The following CADPS2 variants were observed in gnomAD, a reference collection of about 807,000 sequenced individuals.
The protein encoded by CADPS2 is calcium-dependent secretion activator 2.
Under a neutral mutation model 172.5 loss-of-function variants are expected in CADPS2, and 93 were observed. The ratio of observed to expected loss-of-function variants is 0.54; its 90% CI spans 0.46 to 0.64. The LOEUF is 0.64. Among genes scored for constraint, CADPS2 ranks in the 30% least tolerant of loss-of-function variants. CADPS2 has a pLI of 0.00. For missense variants in CADPS2, 1,420 were observed against 1,565.9 expected (o/e 0.91, Z 1.57); for synonymous variants, 546 against 555.2 (o/e 0.98, Z 0.23).
chr7:122,689,760 T>C (rs891152947), intron 2 of CADPS2, among the ~76,000 whole-genome samples: 2 of 152,194 alleles, frequency 1.3e-5, no homozygotes, highest in African/African-American at 4.8e-5. Context: ...GGTGTAGTGA[T>C]CGTGTTATGT....
chr7:122,707,979 A>T (rs549352793), intron 2 of CADPS2, among the ~76,000 whole-genome samples: 1 of 151,858 alleles, frequency 6.6e-6, no homozygotes, highest in South Asian at 2.1e-4. Context: ...TGTTGTGTAT[A>T]TTTAATGTGT....
chr7:122,668,630 A>G (rs1417546367), intron 2 of CADPS2, among the ~76,000 whole-genome samples: 1 of 152,192 alleles, frequency 6.6e-6, no homozygotes, highest in Non-Finnish European at 1.5e-5. Flanking sequence ...AGACAGTCCC[A>G]CTGGCCTTTT....
At chr7:122,491,023 CAAAGA>C (rs2129650624) in intron 10 of CADPS2, among the ~76,000 whole-genome samples, 1 of 152,206 alleles carries the variant, frequency 6.6e-6, no homozygotes, top group East Asian at 1.9e-4. Flanking sequence ...TGCTTTCCCG[CAAAGA>C]AGTTTCTGAA....
At chr7:122,361,849 G>A (rs996233950) in intron 25 of CADPS2, among the ~76,000 whole-genome samples, 4 of 152,114 alleles carry the variant, frequency 2.6e-5, no homozygotes, top group Non-Finnish European at 5.9e-5. Flanking sequence ...CAAGGTGGGC[G>A]GATCGCCTGA....
chr7:122,724,115 C>T (rs984210372), intron 2 of CADPS2, among the ~76,000 whole-genome samples: 4 of 151,890 alleles, frequency 2.6e-5, no homozygotes, highest in African/African-American at 9.7e-5. Context: ...CAACATGACA[C>T]ATGTATTCAT....
At chr7:122,420,278 G>A (rs901234176) in intron 17 of CADPS2, among the ~76,000 whole-genome samples, 10 of 152,168 alleles carry the variant, frequency 6.6e-5, no homozygotes, top group Non-Finnish European at 1.3e-4. Flanking sequence ...CTTATTATAT[G>A]TGAATCTTTC....
At chr7:122,422,971 T>A (rs1415246545) in intron 17 of CADPS2, among the ~76,000 whole-genome samples, 10 of 151,684 alleles carry the variant, frequency 6.6e-5, no homozygotes, top group Non-Finnish European at 1.3e-4. Flanking sequence ...AATAAATAAA[T>A]AAAAATAAAA....
intron 16 of CADPS2, among the ~76,000 whole-genome samples, chr7:122,440,681 T>C (rs1045099342): frequency 1.3e-5 from 2 of 152,126 alleles, no homozygotes; most frequent in East Asian, 3.9e-4. Flanking sequence ...ATAAACAATA[T>C]AGTATCTAAA....
chr7:122,392,584 C>T lies in CADPS2; in HGVS notation c.3008+612G>A, dbSNP rs77627777. Among the ~76,000 whole-genome samples, 1,053 of 152,070 alleles carry T rather than the reference C, an allele frequency of 6.9e-3. 13 individuals are homozygous for T. Among genetic ancestry groups the T allele is most frequent in the African/African-American group, 0.024 (1,015 of 41,490 alleles). On this transcript the variant is annotated intron_variant, in intron 22 of 29. Coordinates refer to ENST00000449022, the MANE Select transcript of CADPS2 (RefSeq NM_017954.11). The stretch of plus-strand genomic sequence containing the variant: ...TTGCTGATTCTGCAATAGGCAAGCT[C>T]ATCATGATGTGAAGTTAATAAATAT...
At chr7:122,779,378 T>C (rs1177605435) in intron 1 of CADPS2, among the ~76,000 whole-genome samples, 3 of 152,072 alleles carry the variant, frequency 2.0e-5, no homozygotes, top group African/African-American at 7.2e-5. Flanking sequence ...TAGCAAGACA[T>C]TCTTCTTGTG....
intron 11 of CADPS2, among the ~76,000 whole-genome samples, chr7:122,487,163 A>G (rs1404365000): frequency 6.6e-6 from 1 of 151,464 alleles, no homozygotes; most frequent in African/African-American, 2.4e-5. Flanking sequence ...GCCACGTACC[A>G]CCATGCTCAG....
intron 1 of CADPS2, among the ~76,000 whole-genome samples, chr7:122,853,931 C>T (rs1814436436): frequency 6.6e-6 from 1 of 152,174 alleles, no homozygotes; most frequent in African/African-American, 2.4e-5. Flanking sequence ...CCAGAAGCTC[C>T]TTCTACTGTG....
intron 14 of CADPS2, among the ~76,000 whole-genome samples, chr7:122,461,272 G>T (rs2152097499): frequency 6.6e-6 from 1 of 152,290 alleles, no homozygotes; most frequent in South Asian, 2.1e-4. Context: ...TGGAGCTTCA[G>T]ATGAGAAGAA....
intron 2 of CADPS2, among the ~76,000 whole-genome samples, chr7:122,722,498 C>A (rs1029205649): frequency 6.6e-6 from 1 of 151,400 alleles, no homozygotes; most frequent in African/African-American, 2.4e-5. Flanking sequence ...ATGTGAAGGA[C>A]CTCTTCAAGG....
chr7:122,530,742 T>C (rs1368844298), intron 8 of CADPS2, among the ~76,000 whole-genome samples: 1 of 152,194 alleles, frequency 6.6e-6, no homozygotes, highest in Non-Finnish European at 1.5e-5. Context: ...TGCTACAAGA[T>C]TCACTTTAGC....
At chr7:122,453,179 C>T (rs983318904) in intron 14 of CADPS2, among the ~76,000 whole-genome samples, 2 of 152,032 alleles carry the variant, frequency 1.3e-5, no homozygotes, top group East Asian at 3.8e-4. Flanking sequence ...CACATTTATT[C>T]CATCTGAATG....
chr7:122,770,778 G>A (rs1290077287), intron 1 of CADPS2, among the ~76,000 whole-genome samples: 1 of 152,188 alleles, frequency 6.6e-6, no homozygotes. Flanking sequence ...CAGCAACCAT[G>A]CCACACCATG....
At chr7:122,577,426 A>C (rs888172578) in intron 7 of CADPS2, among the ~76,000 whole-genome samples, 1 of 152,112 alleles carries the variant, frequency 6.6e-6, no homozygotes. Flanking sequence ...ATAATAAAAT[A>C]TGTCATCTTT....
At chr7:122,554,764 T>C (rs2064814737) in intron 7 of CADPS2, 75 bp from the exon 8 acceptor site, 4 of 1,293,620 alleles carry the variant, frequency 3.1e-6, no homozygotes, top group East Asian at 2.8e-5. Context: ...ATATTTTCTA[T>C]GTTTTCCTGT....
Sources: allele counts gnomAD v4.1 joint callset (sites outside exome capture counted in the v4.1 genomes callset), GRCh38; gene constraint gnomAD v4.1.1; transcripts MANE v1.5; gene names NCBI Gene and HGNC (gene_info 2026-07-23, HGNC 2026-07-21).